Variants in KDM4A observed in about 807,000 individuals in gnomAD.
KDM4A encodes the protein lysine-specific demethylase 4A.
KDM4A carries 23 observed loss-of-function variants against 127.1 expected under a neutral mutation model. The ratio of observed to expected loss-of-function variants is 0.18; its 90% CI spans 0.13 to 0.26. KDM4A has a LOEUF of 0.26. Ranked by LOEUF, KDM4A falls within the 10% of genes least tolerant of loss-of-function variation. KDM4A has a pLI of 1.00. For synonymous variants in KDM4A, 443 were observed against 466.5 expected, an observed-to-expected ratio of 0.95 and a Z score of 0.65; for missense variants, 890 against 1,329.1, an observed-to-expected ratio of 0.67 and a Z score of 5.14.
intron 11 of KDM4A, among the ~76,000 whole-genome samples, chr1:43,678,593 T>TG (rs1353583261): frequency 6.6e-6 from 1 of 150,780 alleles, no homozygotes; most frequent in Admixed American, 6.6e-5. Flanking sequence ...ATAGGTTTTT[T>TG]TTTTTTTTTT....
In KDM4A at chr1:43,705,288, T is replaced by TG. The variant is rs1371170267; in HGVS notation, c.*924dup. ...AGGTGGGAGGGAGCTGATTTTGGGG[T>TG]GGGGGGTGGGACTAGAGGGCAATAC... On this transcript the variant is annotated 3_prime_UTR_variant, in exon 22 of 22. Coordinates refer to ENST00000372396, the MANE Select transcript of KDM4A (RefSeq NM_014663.3). 6.3e-5 allele frequency: 5 copies of TG among 79,704 alleles called. No individual in the cohort carries two copies. In the East Asian group the frequency reaches 1.4e-3, roughly 22 times the overall value. The allele number at this position is 79,704 out of a possible 1,614,324, so 4.9% of individuals were successfully genotyped here.
intron 3 of KDM4A, 56 bp downstream of exon 3, chr1:43,655,822 C>G: frequency 7.1e-7 from 1 of 1,416,738 alleles, no homozygotes; most frequent in East Asian, 2.3e-5. Context: ...GTGTCTCATC[C>G]TCCTAGCATC....
chr1:43,690,677 T>G, intron 13 of KDM4A, 168 bp from the exon 14 acceptor site: 2 of 688,640 alleles, frequency 2.9e-6, no homozygotes, highest in Non-Finnish European at 5.2e-6. Flanking sequence ...TGAATTTGAG[T>G]CATTACAGGT....
At chr1:43,671,355 C>G in intron 10 of KDM4A, 150 bp from the exon 11 acceptor site, 1 of 741,898 alleles carries the variant, frequency 1.3e-6, no homozygotes, top group Non-Finnish European at 2.1e-6. Flanking sequence ...GCAAATAGCC[C>G]TGGCTCACAG....
chr1:43,660,710 T>C (rs1470800766), intron 4 of KDM4A, among the ~76,000 whole-genome samples: 2 of 152,228 alleles, frequency 1.3e-5, no homozygotes. Context: ...GGCTCTCAGA[T>C]AATGAAATGA....
Position 43,698,102 on chromosome 1 carries a change from C to G in KDM4A, c.2841+89C>G, listed in dbSNP as rs1215700300. On this transcript the variant is annotated intron_variant, in intron 19 of 21. Coordinates refer to ENST00000372396, the MANE Select transcript of KDM4A (RefSeq NM_014663.3). Reference sequence around the variant, plus strand: ...GCAGACTGTGTGTGTATGCCTGCTTCTTCTAGCCAGGTCCCTGGTCCCATC... The same window carrying G: ...GCAGACTGTGTGTGTATGCCTGCTTGTTCTAGCCAGGTCCCTGGTCCCATC... 6 of 1,284,150 alleles carry G rather than the reference C, an allele frequency of 4.7e-6. No homozygotes were observed. In the East Asian group the frequency reaches 1.4e-4, roughly 30 times the overall value. 79.5% of individuals were successfully genotyped at this position (1,284,150 alleles called of 1,614,324 possible). A position where few individuals can be genotyped will look rare whatever the true frequency, so the allele number is the denominator to read the frequency against.
intron 3 of KDM4A, among the ~76,000 whole-genome samples, chr1:43,656,485 G>A (rs1272072212): frequency 4.0e-5 from 6 of 151,354 alleles, no homozygotes; most frequent in Non-Finnish European, 7.4e-5. Context: ...CTACAGGCAC[G>A]CGCCACCATG....
intron 4 of KDM4A, among the ~76,000 whole-genome samples, chr1:43,661,664 GT>G (rs1660385272): frequency 6.8e-6 from 1 of 147,370 alleles, no homozygotes. Flanking sequence ...GTTGATAGCA[GT>G]TTTTGGGGGT....
rs2274466 is a variant in KDM4A at position 43,662,788 on chromosome 1, G to A, written c.430-106G>A. ...ATAGTGTTTTGACATTATTCCCAAT[G>A]TTTGTCAGAGATGACAGCTTACTTG... is the stretch of plus-strand genomic sequence containing the variant. On this transcript the variant is annotated intron_variant, in intron 4 of 21. Coordinates refer to ENST00000372396, the MANE Select transcript of KDM4A (RefSeq NM_014663.3). 256 of 931,574 alleles carry A rather than the reference G, an allele frequency of 2.7e-4. No individual in the cohort carries two copies. In the East Asian group the frequency reaches 6.3e-3, roughly 23 times the overall value. 57.7% of individuals were successfully genotyped at this position (931,574 alleles called of 1,614,324 possible).
chr1:43,653,280 A>G lies in KDM4A; in HGVS notation c.105A>G (p.Glu35=), dbSNP rs753726775. The G allele has an allele frequency of 6.2e-7, 1 of 1,613,468 alleles. No homozygotes were observed. Among genetic ancestry groups the G allele is most frequent in the Non-Finnish European group, 8.5e-7 (1 of 1,179,636 alleles). ...RNFSRYIAYI[E]SQGAHRAGLA... ...TCAGTAGATACATTGCCTACATTGA[A>G]TCCCAAGGAGCTCATCGGGCAGGGC... Residue 35 remains glutamate, a synonymous_variant, in exon 2 of 22, where the codon GAA becomes GAG. Coordinates refer to ENST00000372396, the MANE Select transcript of KDM4A (RefSeq NM_014663.3).
At chr1:43,678,036 C>G (rs1334201377) in intron 11 of KDM4A, among the ~76,000 whole-genome samples, 1 of 151,996 alleles carries the variant, frequency 6.6e-6, no homozygotes, top group Admixed American at 6.6e-5. Context: ...GGGGGTGAGT[C>G]AGAGGGTAGC....
At chr1:43,656,524 GAC>G (rs1328095791) in intron 3 of KDM4A, among the ~76,000 whole-genome samples, 1 of 151,450 alleles carries the variant, frequency 6.6e-6, no homozygotes, top group Non-Finnish European at 1.5e-5. Flanking sequence ...TTTCAGTAGA[GAC>G]AGGGTTTCGC....
chr1:43,655,302 T>A (rs1660213543), intron 2 of KDM4A, among the ~76,000 whole-genome samples: 1 of 152,144 alleles, frequency 6.6e-6, no homozygotes, highest in Non-Finnish European at 1.5e-5. Context: ...GCTAGGAGAT[T>A]GAGAGAGAAT....
intron 12 of KDM4A, 118 bp downstream of exon 12, chr1:43,683,922 T>C: frequency 9.1e-7 from 1 of 1,094,040 alleles, no homozygotes; most frequent in Non-Finnish European, 1.3e-6. Context: ...TAGCTGCTCT[T>C]CCAGATATTC....
chr1:43,690,864 A>G lies in KDM4A; in HGVS notation c.2057A>G (p.Asn686Ser), dbSNP rs1661092552. 6.2e-7 allele frequency: 1 copy of G among 1,614,180 alleles called. No homozygotes were observed. The highest frequency in any genetic ancestry group is 1.6e-4 in the Middle Eastern group (1 of 6,062). Residue 686 changes from asparagine to serine, a missense_variant, in exon 14 of 22, where the codon AAT becomes AGT. Asn to Ser is a conservative substitution (Grantham distance 46). Transcript: ENST00000372396. Reference sequence around the variant, plus strand: ...CCTTAGGTTGAATTTGGAGGCTTTAATCAGAACTGTGGAAATGCTTCAGAT... The same window carrying G: ...CCTTAGGTTGAATTTGGAGGCTTTAGTCAGAACTGTGGAAATGCTTCAGAT... ...TYHQVEFGGF[N>S]QNCGNASDLA...
At chr1:43,698,136 C>A in intron 19 of KDM4A, 123 bp downstream of exon 19, 1 of 868,734 alleles carries the variant, frequency 1.2e-6, no homozygotes, top group Non-Finnish European at 1.7e-6. Flanking sequence ...TCACCATGTC[C>A]TCAAACAGAA....
In KDM4A at chr1:43,653,380, A is replaced by G. The variant is rs995807307; in HGVS notation, c.138+67A>G. Reference sequence around the variant, plus strand: ...CAGAGCAGTAAGATTTTTTTCCTACATTTGGGCCGGAACTGTGTTTTACTG... The same window carrying G: ...CAGAGCAGTAAGATTTTTTTCCTACGTTTGGGCCGGAACTGTGTTTTACTG... On this transcript the variant is annotated intron_variant, in intron 2 of 21. Coordinates refer to ENST00000372396, the MANE Select transcript of KDM4A (RefSeq NM_014663.3). 1.1e-5 allele frequency: 16 copies of G among 1,465,618 alleles called. No individual in the cohort carries two copies. In the East Asian group the frequency reaches 2.7e-4, roughly 25 times the overall value. The allele number at this position is 1,465,618 out of a possible 1,614,324, so 90.8% of individuals were successfully genotyped here.
At position 43,665,749 on chromosome 1, in the gene KDM4A, CTG is replaced by C. The variant is rs752011798; in HGVS notation, c.673+8_673+9del. 1 of 1,614,012 alleles carries C rather than the reference CTG, an allele frequency of 6.2e-7. No individual in the cohort carries two copies. Among genetic ancestry groups the C allele is most frequent in the Non-Finnish European group, 8.5e-7 (1 of 1,179,918 alleles). ...CGGTTGGAACGCCTCGCCAAAGGTA[CTG>C]TGTCTCTTCTGTTTGCTGGATTGGA... On this transcript the variant is annotated splice_donor_5th_base_variant and intron_variant, in intron 6 of 21. Coordinates refer to ENST00000372396, the MANE Select transcript of KDM4A (RefSeq NM_014663.3).
At position 43,704,125 on chromosome 1, in the gene KDM4A, T is replaced by C. The variant is rs201213227; in HGVS notation, c.3054+13T>C. 106 of 1,613,470 alleles carry C rather than the reference T, an allele frequency of 6.6e-5. No homozygotes were observed. The Admixed American group carries it at 1.7e-3, about 26-fold the overall frequency. On this transcript the variant is annotated intron_variant, in intron 21 of 21. Transcript: ENST00000372396. ...CAAATCTAGACTGGTGAGTATTTTC[T>C]GTGTCCCCCCAGTTCCTGTCTTGGA...
Sources: gnomAD v4.1 joint callset for allele counts (sites outside exome capture counted in the v4.1 genomes callset) on GRCh38, gnomAD v4.1.1 for gene constraint, MANE v1.5 for transcripts, NCBI Gene and HGNC (gene_info 2026-07-23, HGNC 2026-07-21) for gene names.